The following AVEN variants were observed in gnomAD, a reference collection of about 807,000 sequenced individuals.
The protein encoded by AVEN is apoptosis and caspase activation inhibitor, also known as cell death regulator Aven.
In AVEN, 41 loss-of-function variants were observed where a neutral mutation model predicts 38.1. The observed-to-expected ratio is 1.08, with a 90% CI of 0.84 to 1.40. The LOEUF (loss-of-function observed/expected upper bound fraction) is 1.40, where lower values mean the gene tolerates loss of function less well. Among genes scored for constraint, AVEN ranks in the 40% most tolerant of loss-of-function variants. AVEN has a pLI of 0.00. For synonymous variants in AVEN, 206 were observed against 171.8 expected, an observed-to-expected ratio of 1.20 and a Z score of -1.56; for missense variants, 605 against 438.8, an observed-to-expected ratio of 1.38 and a Z score of -3.38.
chr15:34,028,699 A>G (rs1898615309), intron 1 of AVEN, among the ~76,000 whole-genome samples: 1 of 152,202 alleles, frequency 6.6e-6, no homozygotes, highest in African/African-American at 2.4e-5. Flanking sequence ...TGTAAGGTAG[A>G]TATCCTTAAT....
chr15:33,970,004 T>C (rs1354745463), intron 2 of AVEN, among the ~76,000 whole-genome samples: 1 of 152,002 alleles, frequency 6.6e-6, no homozygotes, highest in Non-Finnish European at 1.5e-5. Context: ...CACATTGGTT[T>C]TCATGAGTTT....
intron 2 of AVEN, among the ~76,000 whole-genome samples, chr15:33,971,392 C>A (rs1485052903): frequency 6.6e-6 from 1 of 151,872 alleles, no homozygotes; most frequent in Non-Finnish European, 1.5e-5. Flanking sequence ...ATAATAATAC[C>A]TATTGCTATA....
chr15:34,066,988 A>G (rs1025204963), intron 2 of AVEN: 7 of 152,192 alleles, frequency 4.6e-5, no homozygotes, highest in African/African-American at 1.7e-4. Flanking sequence ...CTCAGAATGA[A>G]TAGACCTAAT....
At chr15:33,927,118 G>T (rs540668796) in intron 2 of AVEN, among the ~76,000 whole-genome samples, 2 of 152,124 alleles carry the variant, frequency 1.3e-5, no homozygotes, top group East Asian at 3.9e-4. Flanking sequence ...AGCCGGGTGT[G>T]GTGGCGGGCG....
chr15:33,867,766 C>T lies in AVEN; in HGVS notation c.702G>A (p.Gly234=). ...CAAAGATGGGCCCCCTTCCTCCAGG[C>T]CCCAAGGGCCCCTTTAACTGCATCC... The part of the protein sequence containing the change: ...GLGMQLKGPL[G]PGGRGPIFEL... Residue 234 remains glycine, a synonymous_variant, in exon 5 of 6, where the codon GGG becomes GGA. Transcript: ENST00000306730. The T allele has an allele frequency of 6.2e-7, 1 of 1,614,152 alleles. No homozygotes were observed.
chr15:33,861,813 C>T (rs530944031), downstream of AVEN, among the ~76,000 whole-genome samples: 4 of 152,020 alleles, frequency 2.6e-5, no homozygotes, highest in African/African-American at 9.6e-5. Flanking sequence ...TTCATACTGC[C>T]TTTTTTTGTT....
At chr15:33,952,996 A>G (rs976212245) in intron 2 of AVEN, among the ~76,000 whole-genome samples, 1 of 152,186 alleles carries the variant, frequency 6.6e-6, no homozygotes, top group South Asian at 2.1e-4. Flanking sequence ...TACACCAATA[A>G]CAGACAAGAG....
intron 1 of AVEN, among the ~76,000 whole-genome samples, chr15:34,017,458 A>G (rs1897966671): frequency 6.7e-6 from 1 of 149,394 alleles, no homozygotes; most frequent in Non-Finnish European, 1.5e-5. Context: ...AACCAAGATA[A>G]GTGATTTCAG....
intron 1 of AVEN, among the ~76,000 whole-genome samples, chr15:34,006,232 ATCCAGGAGGCGGAGTTTGCAGTGAG>A (rs1452550718): frequency 6.6e-6 from 1 of 152,002 alleles, no homozygotes; most frequent in Non-Finnish European, 1.5e-5. Context: ...AATGGCGTGA[ATCCAGGAGGCGGAGTTTGCAGTGAG>A]TCAAGATCAC....
intron 4 of AVEN, chr15:34,064,805 G>T (rs1597397028): frequency 5.4e-6 from 1 of 184,316 alleles, no homozygotes; most frequent in Non-Finnish European, 1.3e-5. Flanking sequence ...TATTCAACAG[G>T]CTTCTAAGAA....
chr15:33,933,520 CACACAGAGAGAGAGAGAGAGAGAG>C (rs1248318199), intron 2 of AVEN, among the ~76,000 whole-genome samples: 293 of 82,448 alleles, frequency 3.6e-3, no homozygotes, highest in African/African-American at 9.6e-3. Flanking sequence ...CACACACACA[CACACAGAGAGAGAGAGAGAGAGAG>C]AGAGAGAGAG....
Position 34,063,806 on chromosome 15 carries a change from G to C in AVEN, n.1127-374C>G. ...ACTATGACACCCCAAACTACCTTCT[G>C]TCTCCAGCAGCTGCTCATAGACCCA... On this transcript the variant is annotated intron_variant and non_coding_transcript_variant, in intron 4 of 11. Transcript: ENST00000675287. The surrounding 1 kb of genome is among the most constrained non-coding windows in gnomAD (Gnocchi z 4.1). 1.2e-6 allele frequency: 2 copies of C among 1,614,190 alleles called. No individual in the cohort carries two copies. The highest frequency in any genetic ancestry group is 1.7e-6 in the Non-Finnish European group (2 of 1,180,032).
At position 33,945,306 on chromosome 15, in the gene AVEN, A is replaced by G. The variant is rs147510566; in HGVS notation, c.445+57726T>C. Among the ~76,000 whole-genome samples, 555 of 152,318 alleles carry G rather than the reference A, an allele frequency of 3.6e-3. 2 individuals are homozygous for G. Among genetic ancestry groups the G allele is most frequent in the African/African-American group, 0.013 (538 of 41,580 alleles). On this transcript the variant is annotated intron_variant, in intron 2 of 5. Coordinates refer to ENST00000306730, the MANE Select transcript of AVEN (RefSeq NM_020371.3). ...TCCAAGAGAATCTGGTAAAATGGGC[A>G]TTATGGGAAAAGCTGCTTTTCTCCA...
chr15:33,936,551 A>T (rs550272914), intron 2 of AVEN, among the ~76,000 whole-genome samples: 1 of 152,326 alleles, frequency 6.6e-6, no homozygotes, highest in East Asian at 1.9e-4. Flanking sequence ...ATTGTAAAGA[A>T]GTCAGTTCTC....
chr15:33,994,201 G>A (rs1896844422), intron 2 of AVEN, among the ~76,000 whole-genome samples: 1 of 152,190 alleles, frequency 6.6e-6, no homozygotes, highest in Non-Finnish European at 1.5e-5. Flanking sequence ...ATTAGTGCCT[G>A]AGCGCCACCT....
chr15:34,051,840 C>T (rs2140827707), intron 5 of AVEN, among the ~76,000 whole-genome samples: 1 of 151,670 alleles, frequency 6.6e-6, no homozygotes, highest in Non-Finnish European at 1.5e-5. Context: ...AATTGAGGCA[C>T]TAATAAATAG....
At chr15:34,070,878 G>A (rs1312617062) in intron 1 of AVEN, among the ~76,000 whole-genome samples, 1 of 152,144 alleles carries the variant, frequency 6.6e-6, no homozygotes, top group Non-Finnish European at 1.5e-5. Flanking sequence ...TGCATGAGGT[G>A]GGATGGACGG....
At chr15:33,977,079 T>G (rs1895917190) in intron 2 of AVEN, among the ~76,000 whole-genome samples, 1 of 152,144 alleles carries the variant, frequency 6.6e-6, no homozygotes, top group Non-Finnish European at 1.5e-5. Context: ...AAAAAATAAT[T>G]TTTGGCTTAA....
At chr15:33,918,458 CTTTTTTTTTT>C (rs33928063) in intron 2 of AVEN, among the ~76,000 whole-genome samples, 4 of 84,504 alleles carry the variant, frequency 4.7e-5, no homozygotes, top group African/African-American at 1.5e-4. Flanking sequence ...TAAATTACAG[CTTTTTTTTTT>C]TTTTTTTTTT....
Sources: allele counts gnomAD v4.1 joint callset (sites outside exome capture counted in the v4.1 genomes callset), GRCh38; gene constraint gnomAD v4.1.1; non-coding constraint Gnocchi (gnomAD v3.1); transcripts MANE v1.5; gene names NCBI Gene and HGNC (gene_info 2026-07-23, HGNC 2026-07-21).